SBK1: variants seen among roughly 807,000 people sequenced by gnomAD.
SBK1 encodes serine/threonine-protein kinase SBK1.
A neutral mutation model predicts 24.4 loss-of-function variants in SBK1; 11 were observed. That is an observed-to-expected ratio of 0.45 (90% CI 0.28 to 0.75). The LOEUF is 0.75. Ranked by LOEUF, SBK1 falls within the 30% of genes least tolerant of loss-of-function variation. The pLI is 0.12. For missense variants in SBK1, 467 were observed against 620.5 expected, an observed-to-expected ratio of 0.75 and a Z score of 2.63; for synonymous variants, 308 against 284.4, an observed-to-expected ratio of 1.08 and a Z score of -0.83.
chr16:28,304,383 AACCAGAG>A (rs1428825296), intron 1 of SBK1, among the ~76,000 whole-genome samples: 1 of 152,092 alleles, frequency 6.6e-6, no homozygotes, highest in Non-Finnish European at 1.5e-5. Flanking sequence ...TGGCGCTGCG[AACCAGAG>A]ACCAAGAATA....
intron 1 of SBK1, among the ~76,000 whole-genome samples, chr16:28,280,193 G>GTATATATACATATATATA (rs1567672239): frequency 1.5e-4 from 15 of 97,694 alleles, no homozygotes; most frequent in South Asian, 3.3e-4. Context: ...ACATATATAT[G>GTATATATACATATATATA]TACATATATG....
At chr16:28,288,211 T>G (rs1243008546), upstream of SBK1, among the ~76,000 whole-genome samples, 1 of 152,212 alleles carries the variant, frequency 6.6e-6, no homozygotes, top group Admixed American at 6.5e-5. Context: ...CAAAGCTGCC[T>G]GTTCGAGGAG....
At chr16:28,287,738 A>G (rs2044575690), upstream of SBK1, among the ~76,000 whole-genome samples, 1 of 152,190 alleles carries the variant, frequency 6.6e-6, no homozygotes. Flanking sequence ...ATCTTGGCTC[A>G]TGGCAACCTC....
Position 28,320,627 on chromosome 16 carries a change from C to G in SBK1, c.981C>G (p.His327Gln). The G allele has an allele frequency of 7.8e-7, 1 of 1,285,432 alleles. No individual in the cohort carries two copies. The highest frequency in any genetic ancestry group is 3.5e-5 in the East Asian group (1 of 28,174). The allele number at this position is 1,285,432 out of a possible 1,614,324, so 79.6% of individuals were successfully genotyped here. A position where few individuals can be genotyped will look rare whatever the true frequency, so the allele number is the denominator to read the frequency against. The change falls in exon 4 of 4, where the codon CAC (histidine) becomes CAG (glutamine). Residue 327 changes from histidine (H) to glutamine (Q), a missense_variant. This residue lies in a region of SBK1 where 86 missense variants were observed against 121.7 expected (regional missense o/e 0.71). Transcript: ENST00000341901. This position sits in a 1 kb window ranked among gnomAD's most constrained non-coding sequence, Gnocchi z 8.5. ...CCGAGCTGCGCCGCCGGCCCTCGCA[C>G]CGCGCGCGCAAGCCCCCCGGGGACC... Reference protein sequence around the residue: ...LTSELRRRPSHRARKPPGDRP... With the variant: ...LTSELRRRPSQRARKPPGDRP...
upstream of SBK1, among the ~76,000 whole-genome samples, chr16:28,287,642 T>TTTTG (rs1048764782): frequency 6.6e-6 from 1 of 151,044 alleles, no homozygotes; most frequent in African/African-American, 2.5e-5. Flanking sequence ...CTTTTTTTGT[T>TTTTG]TTTGTTTGTT....
intron 1 of SBK1, among the ~76,000 whole-genome samples, chr16:28,312,695 T>G (rs1350182990): frequency 6.6e-6 from 1 of 152,186 alleles, no homozygotes; most frequent in Non-Finnish European, 1.5e-5. Flanking sequence ...GAGAGGAAGT[T>G]CCTGTTGGAA....
intron 1 of SBK1, among the ~76,000 whole-genome samples, chr16:28,315,201 G>A (rs987128881): frequency 1.3e-5 from 2 of 151,156 alleles, no homozygotes; most frequent in Non-Finnish European, 2.9e-5. Context: ...AGAAATGAAT[G>A]CCCAGAGTGG....
chr16:28,267,381 C>T (rs561132967), intron 1 of SBK1, among the ~76,000 whole-genome samples: 1 of 152,324 alleles, frequency 6.6e-6, no homozygotes, highest in East Asian at 1.9e-4. Flanking sequence ...CTGACCACAC[C>T]TGGGAAAGGT....
chr16:28,275,905 G>C (rs2044491756), intron 1 of SBK1, among the ~76,000 whole-genome samples: 1 of 147,794 alleles, frequency 6.8e-6, no homozygotes, highest in African/African-American at 2.5e-5. Context: ...AAGGAAGGAA[G>C]GAAGGAACGA....
intron 1 of SBK1, among the ~76,000 whole-genome samples, chr16:28,276,640 TTTTTA>T (rs1164979840): frequency 6.6e-6 from 1 of 151,192 alleles, no homozygotes; most frequent in African/African-American, 2.4e-5. Context: ...TGGATTGAAG[TTTTTA>T]TTTTATTTAT....
At chr16:28,264,123 T>G (rs973423795) in intron 1 of SBK1, among the ~76,000 whole-genome samples, 3 of 152,158 alleles carry the variant, frequency 2.0e-5, no homozygotes, top group African/African-American at 7.2e-5. Context: ...AGCAAGACCC[T>G]GTCTCTAAAA....
intron 1 of SBK1, among the ~76,000 whole-genome samples, chr16:28,272,767 A>T (rs2044474339): frequency 6.6e-6 from 1 of 151,732 alleles, no homozygotes; most frequent in East Asian, 1.9e-4. Context: ...GACTACAGGC[A>T]TGCCCCACCA....
At chr16:28,300,143 A>G (rs1308281398) in intron 1 of SBK1, among the ~76,000 whole-genome samples, 1 of 152,202 alleles carries the variant, frequency 6.6e-6, no homozygotes, top group African/African-American at 2.4e-5. Flanking sequence ...TGAGGGCAGG[A>G]CAGTTTGTTT....
At chr16:28,292,449 G>C, upstream of SBK1, 1 of 795,466 alleles carries the variant, frequency 1.3e-6, no homozygotes, top group Non-Finnish European at 1.5e-6. Context: ...CAAAGGGGCG[G>C]GCGGCGGCGC....
Position 28,320,940 on chromosome 16 carries a change from G to C in SBK1, c.*19G>C. 7.1e-7 allele frequency: 1 copy of C among 1,408,080 alleles called. No homozygotes were observed. The highest frequency in any genetic ancestry group is 9.2e-7 in the Non-Finnish European group (1 of 1,082,710). The allele number at this position is 1,408,080 out of a possible 1,614,324, so 87.2% of individuals were successfully genotyped here. A position where few individuals can be genotyped will look rare whatever the true frequency, so the allele number is the denominator to read the frequency against. Reference sequence around the variant, plus strand: ...CGTCTGAGTCGCCTCCGCCGCCCTCGGACCCGGGAGCAGCCCGGGCCCGCC... The same window carrying C: ...CGTCTGAGTCGCCTCCGCCGCCCTCCGACCCGGGAGCAGCCCGGGCCCGCC... On this transcript the variant is annotated 3_prime_UTR_variant, in exon 4 of 4. Transcript: ENST00000341901. The surrounding 1 kb of genome is among the most constrained non-coding windows in gnomAD (Gnocchi z 8.5).
chr16:28,293,490 C>T (rs940819790), intron 1 of SBK1, among the ~76,000 whole-genome samples, 190 bp downstream of exon 1: 1 of 152,160 alleles, frequency 6.6e-6, no homozygotes, highest in Non-Finnish European at 1.5e-5. Context: ...TTCCCCCACC[C>T]CACTCCCTAG....
At chr16:28,277,795 G>A (rs532626661) in intron 1 of SBK1, among the ~76,000 whole-genome samples, 3 of 152,242 alleles carry the variant, frequency 2.0e-5, no homozygotes, top group Non-Finnish European at 4.4e-5. Flanking sequence ...TCGAGAACCA[G>A]ATAGAACAGA....
At chr16:28,297,066 A>G (rs1052106433) in intron 1 of SBK1, among the ~76,000 whole-genome samples, 5 of 152,194 alleles carry the variant, frequency 3.3e-5, no homozygotes, top group African/African-American at 9.7e-5. Flanking sequence ...GCGGTGGCTC[A>G]CACCTGTAAT....
At position 28,275,890 on chromosome 16, in the gene SBK1, AAAGGAAGGAAGG is replaced by A. The variant is rs571451740; in HGVS notation, c.257+16399_257+16410del. ...ACAGAGGAAGACCCTGTCTCAAAAA[AAAGGAAGGAAGG>A]AAGGAAGGAACGAAGGAAGGAAGGA... On this transcript the variant is annotated intron_variant, in intron 1 of 3. Transcript: ENST00000671413. Among the ~76,000 whole-genome samples, 447 of 152,000 alleles carry A rather than the reference AAAGGAAGGAAGG, an allele frequency of 2.9e-3. 1 individual carries two copies. Among genetic ancestry groups the A allele is most frequent in the African/African-American group, 0.01 (430 of 41,470 alleles).
Sources: allele counts gnomAD v4.1 joint callset (sites outside exome capture counted in the v4.1 genomes callset), GRCh38; gene constraint gnomAD v4.1.1; regional missense constraint gnomAD v4.1.1; non-coding constraint Gnocchi (gnomAD v3.1); transcripts MANE v1.5; gene names NCBI Gene and HGNC (gene_info 2026-07-23, HGNC 2026-07-21).